The following INTS9 variants were observed in gnomAD, a reference collection of about 807,000 sequenced individuals.
INTS9 encodes the protein protein related to CPSF subunits of 74 kDa.
In INTS9, 55 loss-of-function variants were observed where a neutral mutation model predicts 79.7. That is an observed-to-expected ratio of 0.69 (90% confidence interval 0.56 to 0.86). The LOEUF is 0.86. Ranked by LOEUF, INTS9 falls within the 40% of genes least tolerant of loss-of-function variation. The pLI is 0.00. For synonymous variants in INTS9, 319 were observed against 325.2 expected, an observed-to-expected ratio of 0.98 and a Z score of 0.20; for missense variants, 721 against 831.5, an observed-to-expected ratio of 0.87 and a Z score of 1.64.
chr8:28,880,451 G>C (rs893139179), intron 1 of INTS9, among the ~76,000 whole-genome samples: 3 of 152,126 alleles, frequency 2.0e-5, no homozygotes, highest in African/African-American at 7.2e-5. Flanking sequence ...GGTGGAGACG[G>C]GGTTTCGATG....
chr8:28,880,450 G>A (rs1054424248), intron 1 of INTS9, among the ~76,000 whole-genome samples: 1 of 152,082 alleles, frequency 6.6e-6, no homozygotes, highest in Non-Finnish European at 1.5e-5. Context: ...TGGTGGAGAC[G>A]GGGTTTCGAT....
At chr8:28,852,853 G>C (rs1329653747) in intron 2 of INTS9, among the ~76,000 whole-genome samples, 1 of 152,228 alleles carries the variant, frequency 6.6e-6, no homozygotes, top group Non-Finnish European at 1.5e-5. Context: ...GCTAGTAGAT[G>C]AGACTGAATG....
intron 8 of INTS9, among the ~76,000 whole-genome samples, chr8:28,805,930 A>AT (rs1430294579): frequency 6.6e-6 from 1 of 152,112 alleles, no homozygotes; most frequent in East Asian, 1.9e-4. Flanking sequence ...GAGACACTAG[A>AT]TTAAAAAAAA....
rs148570633 is a variant in INTS9 at position 28,876,937 on chromosome 8, T to A, written c.9+12937A>T. ...GGTTTTAAAATGCTACAAAGAAACA[T>A]TTAAAAAAAGAAATAAAGGAAAAGA... is the stretch of plus-strand genomic sequence containing the variant. On this transcript the variant is annotated intron_variant, in intron 1 of 16. Transcript: ENST00000521022. Among the ~76,000 whole-genome samples the A allele has an allele frequency of 1.7e-3, 262 of 151,970 alleles. 1 individual carries two copies. The highest frequency in any genetic ancestry group is 6.1e-3 in the African/African-American group (254 of 41,484).
At chr8:28,884,585 GACCATT>G (rs1810086194) in intron 1 of INTS9, among the ~76,000 whole-genome samples, 1 of 152,086 alleles carries the variant, frequency 6.6e-6, no homozygotes, top group Non-Finnish European at 1.5e-5. Context: ...CTTTATCACA[GACCATT>G]ACTGAGAAAG....
intron 5 of INTS9, 137 bp from the exon 6 acceptor site, chr8:28,835,515 C>T (rs1239468192): frequency 1.7e-6 from 1 of 578,280 alleles, no homozygotes; most frequent in Non-Finnish European, 3.1e-6. Flanking sequence ...CTCTGCTGCA[C>T]ATAAACTTGA....
intron 6 of INTS9, among the ~76,000 whole-genome samples, chr8:28,816,399 G>A (rs570432035): frequency 3.9e-4 from 58 of 148,240 alleles, no homozygotes; most frequent in Non-Finnish European, 6.4e-4. Context: ...GAGAATATGC[G>A]GTGTTTGGTT....
chr8:28,886,405 G>C (rs78291836), intron 1 of INTS9, among the ~76,000 whole-genome samples: 1 of 152,012 alleles, frequency 6.6e-6, no homozygotes, highest in East Asian at 1.9e-4. Context: ...ATGCCACGAC[G>C]CTCAGCTAGT....
chr8:28,829,136 G>A (rs1360048902), intron 6 of INTS9, among the ~76,000 whole-genome samples: 1 of 152,132 alleles, frequency 6.6e-6, no homozygotes, highest in East Asian at 1.9e-4. Flanking sequence ...TATCCTTATT[G>A]TAATTATAGA....
At chr8:28,882,423 A>C (rs1445214367) in intron 1 of INTS9, among the ~76,000 whole-genome samples, 1 of 144,702 alleles carries the variant, frequency 6.9e-6, no homozygotes, top group Non-Finnish European at 1.5e-5. Context: ...ACCCTGCCAA[A>C]TCCCCCTCTG....
intron 1 of INTS9, among the ~76,000 whole-genome samples, chr8:28,887,534 A>T (rs2131406201): frequency 6.6e-6 from 1 of 152,356 alleles, no homozygotes; most frequent in South Asian, 2.1e-4. Flanking sequence ...AGAAAATGCT[A>T]AACAAAATGT....
intron 4 of INTS9, among the ~76,000 whole-genome samples, chr8:28,845,333 C>G (rs1807444701): frequency 6.6e-6 from 1 of 152,186 alleles, no homozygotes; most frequent in African/African-American, 2.4e-5. Flanking sequence ...GCTTCCATTA[C>G]TCTCCCATTT....
At chr8:28,792,741 T>C (rs2130949483) in intron 10 of INTS9, among the ~76,000 whole-genome samples, 1 of 152,164 alleles carries the variant, frequency 6.6e-6, no homozygotes, top group Admixed American at 6.6e-5. Context: ...GGTGAAACCC[T>C]GTCTCTACTA....
At chr8:28,776,174 A>T (rs1802866678) in intron 13 of INTS9, 1 of 386,820 alleles carries the variant, frequency 2.6e-6, no homozygotes, top group Non-Finnish European at 4.6e-6. Flanking sequence ...TACTCTTTAC[A>T]TAAGTTTCAC....
At chr8:28,775,581 A>C (rs241203) in intron 14 of INTS9, among the ~76,000 whole-genome samples, 178 bp downstream of exon 14, 68,397 of 151,948 alleles carry the variant, frequency 0.45, 16,571 homozygotes, top group Non-Finnish European at 0.55. Context: ...CGAACTCCTG[A>C]CCTCAAGTGA....
At chr8:28,842,120 T>A (rs1381425723) in intron 4 of INTS9, among the ~76,000 whole-genome samples, 3 of 152,146 alleles carry the variant, frequency 2.0e-5, no homozygotes, top group Admixed American at 2.0e-4. Flanking sequence ...AAATGTACTT[T>A]AGTGATAGTA....
intron 4 of INTS9, among the ~76,000 whole-genome samples, chr8:28,840,606 G>C (rs1807120259): frequency 7.1e-6 from 1 of 140,920 alleles, no homozygotes; most frequent in Non-Finnish European, 1.5e-5. Context: ...GGAATACTAT[G>C]CAGCCATAAA....
intron 1 of INTS9, among the ~76,000 whole-genome samples, chr8:28,860,467 A>T (rs1808398541): frequency 6.7e-6 from 1 of 150,008 alleles, no homozygotes; most frequent in African/African-American, 2.4e-5. Context: ...TAGCAAGTCC[A>T]TTCTCTCCTT....
intron 6 of INTS9, among the ~76,000 whole-genome samples, chr8:28,832,260 C>T (rs562649317): frequency 2.8e-4 from 43 of 152,218 alleles, no homozygotes; most frequent in African/African-American, 9.6e-4. Flanking sequence ...GAGCTGGGAA[C>T]AAGAATGTGG....
Sources: allele counts gnomAD v4.1 joint callset (sites outside exome capture counted in the v4.1 genomes callset), GRCh38; gene constraint gnomAD v4.1.1; transcripts MANE v1.5; gene names NCBI Gene and HGNC (gene_info 2026-07-23, HGNC 2026-07-21).